ZNF532: variants seen among roughly 807,000 people sequenced by gnomAD.
ZNF532 encodes the protein zinc finger protein 532.
ZNF532 carries 22 observed loss-of-function variants against 89.3 expected under a neutral mutation model. The ratio of observed to expected loss-of-function variants is 0.25; its 90% confidence interval spans 0.18 to 0.35. The LOEUF is 0.35. Ranked by LOEUF, ZNF532 falls within the 10% of genes least tolerant of loss-of-function variation. ZNF532 has a pLI of 1.00. For synonymous variants in ZNF532, 606 were observed against 649.6 expected (o/e 0.93, Z 1.02); for missense variants, 1,132 against 1,643.4 (o/e 0.69, Z 5.38).
rs541341840 is a variant in ZNF532, at chr18:58,891,393, C to A, written c.-18+25814C>A. ...AAAAATACAAAAATTAGCTGGGCAT[C>A]ATGGCGCATGCCTGTCATCCCAGCT... On this transcript the variant is annotated intron_variant, in intron 2 of 9. Transcript: ENST00000591808. Among the ~76,000 whole-genome samples the A allele has an allele frequency of 1.7e-4, 26 of 152,270 alleles. No homozygotes were observed. In the South Asian group the frequency reaches 4.8e-3, roughly 28 times the overall value.
At chr18:58,867,968 T>C (rs868852040) in intron 2 of ZNF532, among the ~76,000 whole-genome samples, 5 of 152,250 alleles carry the variant, frequency 3.3e-5, no homozygotes, top group African/African-American at 1.2e-4. Flanking sequence ...AACTTGTCAG[T>C]AGAATCTTCT....
intron 7 of ZNF532, among the ~76,000 whole-genome samples, chr18:58,963,821 C>CA (rs58734985): frequency 0.14 from 11,825 of 82,520 alleles, 1,922 homozygotes; most frequent in African/African-American, 0.4. Flanking sequence ...GACCCTGTCT[C>CA]AAAAAAAAAA....
intron 2 of ZNF532, among the ~76,000 whole-genome samples, chr18:58,872,385 C>T (rs1221639791): frequency 1.3e-5 from 2 of 152,294 alleles, no homozygotes; most frequent in South Asian, 4.1e-4. Flanking sequence ...GGCTGACTCC[C>T]GGGGCTAGTA....
At chr18:58,983,429 T>C (rs960613191) in intron 9 of ZNF532, among the ~76,000 whole-genome samples, 4 of 152,204 alleles carry the variant, frequency 2.6e-5, no homozygotes, top group Admixed American at 2.6e-4. Context: ...CTACTGGCTC[T>C]AGCCCCTCTT....
intron 3 of ZNF532, among the ~76,000 whole-genome samples, chr18:58,925,247 A>G (rs1266472480): frequency 6.6e-6 from 1 of 152,126 alleles, no homozygotes; most frequent in African/African-American, 2.4e-5. Flanking sequence ...CACACGAGGG[A>G]TCCAGTTTCT....
chr18:58,967,433 C>A (rs1305505334), intron 7 of ZNF532, among the ~76,000 whole-genome samples: 1 of 152,140 alleles, frequency 6.6e-6, no homozygotes, highest in African/African-American at 2.4e-5. Flanking sequence ...CCACATTCTT[C>A]CTTGTCTTTG....
chr18:58,928,610 G>C (rs1043195420), intron 3 of ZNF532, among the ~76,000 whole-genome samples: 6 of 152,214 alleles, frequency 3.9e-5, no homozygotes, highest in African/African-American at 1.2e-4. Context: ...TTACCCCTTG[G>C]AGGAGACAGT....
chr18:58,869,052 TA>T (rs974438388), intron 2 of ZNF532, among the ~76,000 whole-genome samples: 5 of 152,182 alleles, frequency 3.3e-5, no homozygotes, highest in Non-Finnish European at 5.9e-5. Context: ...TCTAAACACA[TA>T]AAAGGTACGG....
chr18:58,971,511 C>A (rs555574712), intron 7 of ZNF532, among the ~76,000 whole-genome samples: 338 of 152,228 alleles, frequency 2.2e-3, no homozygotes, highest in African/African-American at 7.8e-3. Flanking sequence ...ATCGTCTATT[C>A]TTGGTTTTAA....
intron 2 of ZNF532, among the ~76,000 whole-genome samples, chr18:58,917,556 C>T (rs967553263): frequency 6.6e-6 from 1 of 152,148 alleles, no homozygotes; most frequent in African/African-American, 2.4e-5. Flanking sequence ...TGCATGTATT[C>T]ATATATCCTT....
chr18:58,870,844 T>C (rs555990711), intron 2 of ZNF532, among the ~76,000 whole-genome samples: 2 of 152,208 alleles, frequency 1.3e-5, no homozygotes, highest in African/African-American at 2.4e-5. Context: ...GTCTTTGAGA[T>C]AGCAAATTCC....
chr18:58,871,104 C>T (rs957937881), intron 2 of ZNF532, among the ~76,000 whole-genome samples: 159 of 152,224 alleles, frequency 1.0e-3, no homozygotes, highest in African/African-American at 3.6e-3. Context: ...GCAGGGGTGG[C>T]TGAAGAACTT....
chr18:58,896,942 C>T (rs2059290384), intron 2 of ZNF532, among the ~76,000 whole-genome samples: 1 of 152,154 alleles, frequency 6.6e-6, no homozygotes, highest in Admixed American at 6.5e-5. Flanking sequence ...AGCAGGCAGC[C>T]CAGCGAGGTA....
intron 2 of ZNF532, among the ~76,000 whole-genome samples, chr18:58,885,725 G>C (rs1436227823): frequency 6.6e-6 from 1 of 151,766 alleles, no homozygotes; most frequent in African/African-American, 2.4e-5. Flanking sequence ...GTGGTGGCAG[G>C]CACCTGTAAT....
chr18:58,905,364 G>A (rs1245719109), intron 2 of ZNF532, among the ~76,000 whole-genome samples: 1 of 150,452 alleles, frequency 6.6e-6, no homozygotes, highest in Non-Finnish European at 1.5e-5. Context: ...GCTCTCCCCT[G>A]CATTTTCACA....
intron 7 of ZNF532, among the ~76,000 whole-genome samples, chr18:58,962,819 T>C (rs532577606): frequency 4.2e-4 from 64 of 152,062 alleles, no homozygotes; most frequent in Non-Finnish European, 7.4e-4. Context: ...GCCAGGATGG[T>C]CTCGATCTTC....
intron 7 of ZNF532, among the ~76,000 whole-genome samples, chr18:58,967,826 C>T (rs569775058): frequency 1.8e-4 from 27 of 152,208 alleles, no homozygotes; most frequent in Non-Finnish European, 3.7e-4. Context: ...TTCTACCTTG[C>T]CGCATGGCAG....
Position 58,915,728 on chromosome 18 carries a change from G to T in ZNF532, c.-17-2543G>T, listed in dbSNP as rs138219015. 3.0e-3 allele frequency among the ~76,000 whole-genome samples: 455 copies of T among 152,348 alleles called. 2 individuals are homozygous for T. In the Middle Eastern group the frequency reaches 0.037, roughly 13 times the overall value. ...CTTCCCAGGGTTCATAAGAATGTCA[G>T]ACAGTCGCACTGCCGACCACTCAAG... On this transcript the variant is annotated intron_variant, in intron 2 of 9. Coordinates refer to ENST00000591808, the MANE Select transcript of ZNF532 (RefSeq NM_001375912.1).
At chr18:58,916,489 C>T (rs904328667) in intron 2 of ZNF532, among the ~76,000 whole-genome samples, 4 of 152,046 alleles carry the variant, frequency 2.6e-5, no homozygotes, top group African/African-American at 9.7e-5. Flanking sequence ...ATGTTATTCC[C>T]CCTCTGTTTC....
Sources: gnomAD v4.1 joint callset for allele counts (sites outside exome capture counted in the v4.1 genomes callset) on GRCh38, gnomAD v4.1.1 for gene constraint, MANE v1.5 for transcripts, NCBI Gene and HGNC (gene_info 2026-07-23, HGNC 2026-07-21) for gene names.